Variants in ZNF746 observed in about 807,000 individuals in gnomAD.
ZNF746 encodes the protein zinc finger protein 746, also known as parkin-interacting substrate.
A neutral mutation model predicts 41.0 loss-of-function variants in ZNF746; 13 were observed. The observed-to-expected ratio is 0.32, with a 90% CI of 0.21 to 0.50. The LOEUF (loss-of-function observed/expected upper bound fraction) is 0.50, where lower values mean the gene tolerates loss of function less well. ZNF746 is among the 20% of genes least tolerant of loss of function. The probability of loss-of-function intolerance (pLI) is 0.98; values close to 1 mark genes in which losing one functional copy is unlikely to be tolerated. For missense variants in ZNF746, 811 were observed against 922.9 expected (o/e 0.88, Z 1.57); for synonymous variants, 424 against 396.2 (o/e 1.07, Z -0.83).
In ZNF746 at chr7:149,474,486, G is replaced by T; in HGVS notation, c.1881C>A (p.Phe627Leu). Residue 627 changes from phenylalanine (F) to leucine (L), a missense_variant, in exon 7 of 7, where the codon TTC becomes TTA. Phe to Leu is a conservative substitution (Grantham distance 22, BLOSUM62 0). Transcript: ENST00000458143. The surrounding 1 kb of genome is among the most constrained non-coding windows in gnomAD (Gnocchi z 6.3). ...AAGGTCCTTTGGAGGCGGGGCTCTT[G>T]AAGGGATCAGGAGGTGCGGGCGGCG... The part of the protein sequence containing the change: ...LPTPPAPPDP[F>L]KSPASKGPLA... The T allele has an allele frequency of 6.2e-7, 1 of 1,610,686 alleles. No homozygotes were observed. Among genetic ancestry groups the T allele is most frequent in the Non-Finnish European group, 8.5e-7 (1 of 1,178,446 alleles).
At chr7:149,475,544 T>C in intron 6 of ZNF746, 61 bp from the exon 7 acceptor site, 1 of 1,545,764 alleles carries the variant, frequency 6.5e-7, no homozygotes, top group South Asian at 1.2e-5. Context: ...AGCCACGATC[T>C]GCCACCATCA....
At chr7:149,487,650 A>G (rs556797750) in intron 4 of ZNF746, 1 of 152,234 alleles carries the variant, frequency 6.6e-6, no homozygotes, top group Non-Finnish European at 1.5e-5. Flanking sequence ...TAATAAACAA[A>G]AGTCAACAGC....
At chr7:149,489,233 T>TCACACACACACACA (rs58193586) in intron 4 of ZNF746, 4 of 142,732 alleles carry the variant, frequency 2.8e-5, no homozygotes, top group South Asian at 2.3e-4. Context: ...ATACATTATT[T>TCACACACACACACA]CACACACACA....
At chr7:149,484,506 G>A (rs1800566420) in intron 4 of ZNF746, among the ~76,000 whole-genome samples, 1 of 152,076 alleles carries the variant, frequency 6.6e-6, no homozygotes, top group Non-Finnish European at 1.5e-5. Flanking sequence ...GCCAAACACA[G>A]ACATAGGAAA....
At position 149,476,905 on chromosome 7, in the gene ZNF746, C is replaced by T; in HGVS notation, c.883+17G>A. 2 of 1,613,906 alleles carry T rather than the reference C, an allele frequency of 1.2e-6. No homozygotes were observed. Among genetic ancestry groups the T allele is most frequent in the Non-Finnish European group, 1.7e-6 (2 of 1,179,948 alleles). On this transcript the variant is annotated intron_variant, in intron 6 of 6. Transcript: ENST00000458143. ...AGGCAAGCATGGCCCTTCCCTTCCT[C>T]CTCTCGCCACCTGTACCTTCCGTGG...
At chr7:149,488,482 T>A (rs1470866403) in intron 4 of ZNF746, 1 of 151,780 alleles carries the variant, frequency 6.6e-6, no homozygotes, top group African/African-American at 2.4e-5. Context: ...GTAACACAAA[T>A]AATAGACAAA....
At position 149,474,422 on chromosome 7, in the gene ZNF746, G is replaced by C. The variant is rs1001117599; in HGVS notation, c.1945C>G (p.Leu649Val). The C allele has an allele frequency of 6.2e-7, 1 of 1,610,966 alleles. No homozygotes were observed. The highest frequency in any genetic ancestry group is 1.3e-5 in the African/African-American group (1 of 74,998). Residue 649 changes from leucine (L) to valine (V), a missense_variant, in exon 7 of 7, where the codon CTC (leucine) becomes GTC (valine). Transcript: ENST00000458143. The surrounding 1 kb of genome is among the most constrained non-coding windows in gnomAD (Gnocchi z 6.3). ...CCATCGGTGGGTCCCAGGACGCTGA[G>C]GCCACAAGTCCAGTCGGTCACAAGG... The part of the protein sequence containing the change: ...TDLVTDWTCG[L>V]SVLGPTDGGD...
chr7:149,494,067 A>C lies in ZNF746; in HGVS notation c.373T>G (p.Trp125Gly), dbSNP rs778422459. ...TTCTGCCAGTCCTCCAGCTTGCCCCACTCCTGCTCGGAGAAATACACGGCC... is the reference window on the plus strand; with the variant it reads ...TTCTGCCAGTCCTCCAGCTTGCCCCCCTCCTGCTCGGAGAAATACACGGCC... ...DVAVYFSEQE[W>G]GKLEDWQKEL... The change falls in exon 3 of 7, where the codon TGG (tryptophan) becomes GGG (glycine). Residue 125 changes from tryptophan (W) to glycine (G), a missense_variant. Transcript: ENST00000458143. The surrounding 1 kb of genome is among the most constrained non-coding windows in gnomAD (Gnocchi z 5.6). 2 of 1,613,378 alleles carry C rather than the reference A, an allele frequency of 1.2e-6. No individual in the cohort carries two copies. The highest frequency in any genetic ancestry group is 4.5e-5 in the East Asian group (2 of 44,848).
intron 1 of ZNF746, among the ~76,000 whole-genome samples, chr7:149,495,614 T>A (rs1480718544): frequency 6.6e-6 from 1 of 152,164 alleles, no homozygotes; most frequent in East Asian, 1.9e-4. Context: ...TTCTGCAAAA[T>A]AATTCCTCAA....
At chr7:149,484,274 A>G (rs1800560569) in intron 4 of ZNF746, among the ~76,000 whole-genome samples, 2 of 152,250 alleles carry the variant, frequency 1.3e-5, no homozygotes, top group Admixed American at 1.3e-4. Flanking sequence ...TCATCCATGA[A>G]CAAAGATTCA....
Position 149,477,611 on chromosome 7 carries a change from C to G in ZNF746, c.710G>C (p.Ser237Thr), listed in dbSNP as rs1255773214. Residue 237 changes from serine (S) to threonine (T), a missense_variant, in exon 5 of 7, where the codon AGC becomes ACC. By Grantham distance (58) the Ser-to-Thr change is moderately conservative (BLOSUM62 1). Coordinates refer to ENST00000458143, the MANE Select transcript of ZNF746 (RefSeq NM_001394198.1). ...GTCTCCTGCTCCGGAATCCAGCTGGCTGAGGCCCCAGGGCTCCTCCCCAAT... is the reference window on the plus strand; with the variant it reads ...GTCTCCTGCTCCGGAATCCAGCTGGGTGAGGCCCCAGGGCTCCTCCCCAAT... Reference protein sequence around the residue: ...PDIGEEPWGLSQLDSGAGDIS... With the variant: ...PDIGEEPWGLTQLDSGAGDIS... 1 of 1,613,548 alleles carries G rather than the reference C, an allele frequency of 6.2e-7. No homozygotes were observed. The highest frequency in any genetic ancestry group is 1.7e-5 in the Admixed American group (1 of 59,998).
At chr7:149,477,173 G>T in intron 5 of ZNF746, 126 bp from the exon 6 acceptor site, 1 of 1,192,930 alleles carries the variant, frequency 8.4e-7, no homozygotes, top group Non-Finnish European at 1.1e-6. Context: ...GTGGGCACGA[G>T]GACCCAACCT....
Position 149,474,834 on chromosome 7 carries a change from G to A in ZNF746, c.1533C>T (p.Gly511=), listed in dbSNP as rs1030431051. 7.8e-6 allele frequency: 11 copies of A among 1,407,904 alleles called. No homozygotes were observed. Among genetic ancestry groups the A allele is most frequent in the African/African-American group, 6.1e-5 (4 of 65,366 alleles). 87.2% of individuals were successfully genotyped at this position (1,407,904 alleles called of 1,614,324 possible). ...TGGGGSGSGG[G]GGGSGGGSAR... ...CGCTGCCCCCACCGCTGCCGCCACC[G>A]CCGCCGCCACTGCCGCTGCCGCCAC... Residue 511 remains glycine (G), a synonymous_variant, in exon 7 of 7, where the codon GGC becomes GGT. Transcript: ENST00000458143. This position sits in a 1 kb window ranked among gnomAD's most constrained non-coding sequence, Gnocchi z 6.3.
chr7:149,487,503 A>C (rs1286161926), intron 4 of ZNF746: 2 of 152,232 alleles, frequency 1.3e-5, no homozygotes, highest in African/African-American at 4.8e-5. Flanking sequence ...AAACTGCTAA[A>C]TAAGAAAAAT....
intron 4 of ZNF746, among the ~76,000 whole-genome samples, chr7:149,486,396 G>C (rs1800624087): frequency 7.5e-6 from 1 of 134,096 alleles, no homozygotes; most frequent in African/African-American, 2.9e-5. Context: ...ATATGCATAA[G>C]AATGTTCACA....
rs757946957 is a variant in ZNF746 at position 149,475,318 on chromosome 7, C to T, written c.1049G>A (p.Ser350Asn). The T allele has an allele frequency of 3.1e-6, 5 of 1,613,946 alleles. No individual in the cohort carries two copies. The highest frequency in any genetic ancestry group is 3.3e-5 in the Admixed American group (2 of 60,010). The change falls in exon 7 of 7, where the codon AGC (serine) becomes AAC (asparagine). Residue 350 changes from serine to asparagine, a missense_variant. Transcript: ENST00000458143. ...AQEGAWESQG[S>N]SFPSQDPVLG... ...CACAGGGTCCTGGCTGGGGAAGGAGCTGCCCTGGCTTTCCCAGGCTCCTTC... is the reference window on the plus strand; with the variant it reads ...CACAGGGTCCTGGCTGGGGAAGGAGTTGCCCTGGCTTTCCCAGGCTCCTTC...
intron 4 of ZNF746, chr7:149,488,358 AAAAAGCACAGATCATAAAGG>A (rs1285647534): frequency 6.6e-6 from 1 of 152,232 alleles, no homozygotes; most frequent in African/African-American, 2.4e-5. Context: ...CTCACTACAG[AAAAAGCACAGATCATAAAGG>A]AAAAGACTGA....
At chr7:149,477,824 G>T in intron 4 of ZNF746, 69 bp from the exon 5 acceptor site, 1 of 1,344,430 alleles carries the variant, frequency 7.4e-7, no homozygotes. Flanking sequence ...CACGCATCCA[G>T]CCGGAGAGAT....
intron 1 of ZNF746, among the ~76,000 whole-genome samples, chr7:149,496,582 C>G (rs1443468283): frequency 1.3e-5 from 2 of 152,176 alleles, no homozygotes; most frequent in Non-Finnish European, 2.9e-5. Context: ...TGCACACGCC[C>G]TGCACTGTCC....
Sources: allele counts gnomAD v4.1 joint callset (sites outside exome capture counted in the v4.1 genomes callset), GRCh38; gene constraint gnomAD v4.1.1; non-coding constraint Gnocchi (gnomAD v3.1); transcripts MANE v1.5; gene names NCBI Gene and HGNC (gene_info 2026-07-23, HGNC 2026-07-21).